ARID3B: variants seen among roughly 807,000 people sequenced by gnomAD.
ARID3B encodes AT-rich interactive domain-containing protein 3B.
ARID3B carries 10 observed loss-of-function variants against 51.9 expected under a neutral mutation model. That is an observed-to-expected ratio of 0.19 (90% confidence interval 0.12 to 0.33). The LOEUF (loss-of-function observed/expected upper bound fraction) is 0.33. Ranked by LOEUF, ARID3B falls within the 10% of genes least tolerant of loss-of-function variation. The pLI is 1.00. For synonymous variants in ARID3B, 205 were observed against 279.5 expected, an observed-to-expected ratio of 0.73 and a Z score of 2.66; for missense variants, 483 against 716.3, an observed-to-expected ratio of 0.67 and a Z score of 3.72.
intron 2 of ARID3B, among the ~76,000 whole-genome samples, chr15:74,547,883 A>G (rs2061621870): frequency 6.6e-6 from 1 of 152,228 alleles, no homozygotes; most frequent in Non-Finnish European, 1.5e-5. Context: ...GCTAACTGAA[A>G]AGTGAAACTG....
At chr15:74,571,726 T>A (rs1402649999) in intron 2 of ARID3B, among the ~76,000 whole-genome samples, 1 of 152,238 alleles carries the variant, frequency 6.6e-6, no homozygotes, top group Middle Eastern at 3.2e-3. Context: ...TGTTAAAATC[T>A]AAGCTAGAAG....
intron 8 of ARID3B, 78 bp downstream of exon 8, chr15:74,593,314 T>C (rs2061810976): frequency 1.2e-5 from 16 of 1,351,212 alleles, no homozygotes; most frequent in Non-Finnish European, 1.6e-5. Flanking sequence ...GCCCTGCCTC[T>C]TACCCTCTGT....
chr15:74,562,417 A>C (rs940190702), intron 2 of ARID3B, among the ~76,000 whole-genome samples: 2 of 152,242 alleles, frequency 1.3e-5, no homozygotes, highest in Admixed American at 6.5e-5. Flanking sequence ...CTGGGATTAC[A>C]GGCATGAGCC....
intron 2 of ARID3B, among the ~76,000 whole-genome samples, chr15:74,556,920 G>A (rs894213924): frequency 5.3e-5 from 8 of 151,570 alleles, no homozygotes; most frequent in East Asian, 1.9e-4. Context: ...GACTACAGGC[G>A]TGTGCCACCA....
At chr15:74,590,155 C>A in intron 5 of ARID3B, 152 bp downstream of exon 5, 1 of 890,232 alleles carries the variant, frequency 1.1e-6, no homozygotes, top group Non-Finnish European at 1.7e-6. Context: ...GAATCCCTCA[C>A]TAAACCAAGT....
chr15:74,580,780 A>C (rs1217926126), intron 4 of ARID3B, among the ~76,000 whole-genome samples: 1 of 152,154 alleles, frequency 6.6e-6, no homozygotes, highest in Non-Finnish European at 1.5e-5. Flanking sequence ...TCCCCTTTGG[A>C]GAAGCAGGCA....
At chr15:74,567,481 C>G (rs1010656498) in intron 2 of ARID3B, among the ~76,000 whole-genome samples, 28 of 151,700 alleles carry the variant, frequency 1.8e-4, no homozygotes, top group African/African-American at 6.8e-4. Flanking sequence ...GCACAATGCT[C>G]TACCTGGGGT....
chr15:74,562,822 A>AT (rs1374637292), intron 2 of ARID3B, among the ~76,000 whole-genome samples: 1 of 152,226 alleles, frequency 6.6e-6, no homozygotes, highest in East Asian at 1.9e-4. Context: ...GTCACTGAAA[A>AT]TTATTTTTTG....
rs1406962749 is a variant in ARID3B at position 74,544,600 on chromosome 15, T to C, written c.552+112T>C. 3 of 1,057,476 alleles carry C rather than the reference T, an allele frequency of 2.8e-6. No individual in the cohort carries two copies. The African/African-American group carries it at 4.8e-5, about 17-fold the overall frequency. The allele number at this position is 1,057,476 out of a possible 1,614,324, so 65.5% of individuals were successfully genotyped here. A position where few individuals can be genotyped will look rare whatever the true frequency, so the allele number is the denominator to read the frequency against. Reference sequence around the variant, plus strand: ...TCTGTGCCTTCTCACCCCACTTCGGTGACCAACAGCCTAGACATGAATAGA... The same window carrying C: ...TCTGTGCCTTCTCACCCCACTTCGGCGACCAACAGCCTAGACATGAATAGA... On this transcript the variant is annotated intron_variant, in intron 2 of 8. Transcript: ENST00000346246.
At chr15:74,543,719 A>C in intron 1 of ARID3B, 141 bp from the exon 2 acceptor site, 1 of 524,366 alleles carries the variant, frequency 1.9e-6, no homozygotes, top group African/African-American at 1.9e-5. Context: ...CCACTCACTC[A>C]TCTTAAAACT....
In ARID3B at chr15:74,576,059, G is replaced by A. The variant is rs1196192029; in HGVS notation, c.697+2855G>A. On this transcript the variant is annotated intron_variant, in intron 4 of 8. Coordinates refer to ENST00000346246, the MANE Select transcript of ARID3B (RefSeq NM_006465.4). ...CTATAGGTAGGCACCACCATGCCTG[G>A]CTAACTTTTTTGTTCTGTAGAAATG... is the stretch of plus-strand genomic sequence containing the variant. 2.0e-5 allele frequency among the ~76,000 whole-genome samples: 3 copies of A among 152,110 alleles called. No individual in the cohort carries two copies. The East Asian group carries it at 5.8e-4, about 29-fold the overall frequency.
At chr15:74,564,596 A>ATTTTCT (rs934948956) in intron 2 of ARID3B, among the ~76,000 whole-genome samples, 1 of 151,668 alleles carries the variant, frequency 6.6e-6, no homozygotes, top group Non-Finnish European at 1.5e-5. Flanking sequence ...AAGTCTAACG[A>ATTTTCT]TTTTCTTTTT....
At chr15:74,563,685 A>G (rs2061687330) in intron 2 of ARID3B, among the ~76,000 whole-genome samples, 1 of 152,158 alleles carries the variant, frequency 6.6e-6, no homozygotes, top group Non-Finnish European at 1.5e-5. Flanking sequence ...GTGGTAGCTC[A>G]AGGGTTGGAG....
chr15:74,593,075 G>C, intron 7 of ARID3B, 63 bp from the exon 8 acceptor site: 1 of 1,488,216 alleles, frequency 6.7e-7, no homozygotes, highest in Non-Finnish European at 9.3e-7. Flanking sequence ...GGCAGCATCA[G>C]AGAGGACAAC....
rs540991158 is a variant in ARID3B at position 74,581,718 on chromosome 15, G to C, written c.698-8102G>C. 2.0e-4 allele frequency among the ~76,000 whole-genome samples: 30 copies of C among 152,292 alleles called. 2 individuals carry two copies. The South Asian group carries it at 6.2e-3, about 32-fold the overall frequency. ...ATCATAGGAAGGGAGTCTGGTTTTTGAAAGTCACAATTAATTTGAATAGCC... is the reference window on the plus strand; with the variant it reads ...ATCATAGGAAGGGAGTCTGGTTTTTCAAAGTCACAATTAATTTGAATAGCC... On this transcript the variant is annotated intron_variant, in intron 4 of 8. Transcript: ENST00000346246.
intron 2 of ARID3B, among the ~76,000 whole-genome samples, chr15:74,549,118 G>A (rs1364568245): frequency 2.0e-5 from 3 of 151,372 alleles, no homozygotes; most frequent in Non-Finnish European, 4.4e-5. Flanking sequence ...CTGTCACTCA[G>A]GCTAGAGTGC....
chr15:74,560,612 A>G (rs2061676357), intron 2 of ARID3B, among the ~76,000 whole-genome samples: 1 of 152,234 alleles, frequency 6.6e-6, no homozygotes, highest in Non-Finnish European at 1.5e-5. Context: ...AAAAATACAG[A>G]GTAAAAATTC....
chr15:74,561,477 TTCC>T (rs2061679303), intron 2 of ARID3B, among the ~76,000 whole-genome samples: 1 of 152,244 alleles, frequency 6.6e-6, no homozygotes, highest in African/African-American at 2.4e-5. Context: ...TTCTAGTTAT[TTCC>T]TTAGGATAGA....
intron 2 of ARID3B, among the ~76,000 whole-genome samples, chr15:74,570,252 C>G (rs1206868944): frequency 3.3e-5 from 5 of 152,110 alleles, no homozygotes; most frequent in Admixed American, 1.3e-4. Flanking sequence ...AGGCATTCTC[C>G]ATGTGTGGAG....
Sources: gnomAD v4.1 joint callset for allele counts (sites outside exome capture counted in the v4.1 genomes callset) on GRCh38, gnomAD v4.1.1 for gene constraint, MANE v1.5 for transcripts, NCBI Gene and HGNC (gene_info 2026-07-23, HGNC 2026-07-21) for gene names.